Variants in ARL15 observed in about 807,000 individuals in gnomAD.
The protein encoded by ARL15 is ADP-ribosylation factor-like protein 15.
Under a neutral mutation model 25.2 loss-of-function variants are expected in ARL15, and 19 were observed. The observed-to-expected ratio is 0.75, with a 90% CI of 0.53 to 1.10. ARL15 has a LOEUF of 1.10. Among genes scored for constraint, ARL15 ranks in the 50% least tolerant of loss-of-function variants. The probability of loss-of-function intolerance (pLI) is 0.00; values close to 1 mark genes in which losing one functional copy is unlikely to be tolerated. For synonymous variants in ARL15, 94 were observed against 86.8 expected (o/e 1.08, Z -0.46); for missense variants, 220 against 246.0 (o/e 0.89, Z 0.71).
At chr5:54,306,549 C>A (rs1040345444) in intron 1 of ARL15, among the ~76,000 whole-genome samples, 2 of 152,212 alleles carry the variant, frequency 1.3e-5, no homozygotes, top group South Asian at 4.1e-4. Context: ...CGCCACGACA[C>A]CCAGCTAATT....
chr5:54,200,884 TCA>T (rs1422179628), intron 1 of ARL15, among the ~76,000 whole-genome samples: 5 of 152,322 alleles, frequency 3.3e-5, no homozygotes, highest in Non-Finnish European at 5.9e-5. Flanking sequence ...GTGCTTCTTC[TCA>T]CACTTTATTG....
intron 1 of ARL15, among the ~76,000 whole-genome samples, chr5:54,210,343 T>C (rs1349147839): frequency 6.6e-6 from 1 of 152,218 alleles, no homozygotes; most frequent in East Asian, 1.9e-4. Context: ...ATAATGCCTA[T>C]TATCTATTTT....
intron 4 of ARL15, among the ~76,000 whole-genome samples, chr5:53,898,657 C>T (rs941775673): frequency 7.9e-5 from 12 of 151,728 alleles, no homozygotes; most frequent in Non-Finnish European, 1.6e-4. Context: ...CCGCTGCCCC[C>T]CCTACCCCCG....
chr5:54,125,224 G>A (rs1002287174), intron 3 of ARL15, among the ~76,000 whole-genome samples: 16 of 152,108 alleles, frequency 1.1e-4, no homozygotes, highest in African/African-American at 3.9e-4. Flanking sequence ...AGTAGAGACG[G>A]GGTTTCGCCA....
At chr5:54,041,806 A>T (rs988929498) in intron 4 of ARL15, among the ~76,000 whole-genome samples, 1 of 152,216 alleles carries the variant, frequency 6.6e-6, no homozygotes, top group African/African-American at 2.4e-5. Context: ...AGGAACTCTG[A>T]ATCAGGGAAC....
At chr5:54,152,297 CCTTCATAT>C (rs994746332) in intron 3 of ARL15, among the ~76,000 whole-genome samples, 2 of 152,148 alleles carry the variant, frequency 1.3e-5, no homozygotes, top group African/African-American at 4.8e-5. Flanking sequence ...GGGATGATCC[CCTTCATAT>C]CTAGCATACA....
chr5:54,060,187 C>G lies in ARL15; in HGVS notation c.462+53015G>C, dbSNP rs562792272. On this transcript the variant is annotated intron_variant, in intron 4 of 4. Transcript: ENST00000504924. ...CGGTGTCTCACACCTGTAATCCCAG[C>G]ACTTTGGGAGGCTGAGGTGGGTGGA... is the stretch of plus-strand genomic sequence containing the variant. Among the ~76,000 whole-genome samples the G allele has an allele frequency of 2.7e-4, 40 of 150,180 alleles. 1 individual carries two copies. The South Asian group carries it at 8.4e-3, about 32-fold the overall frequency.
chr5:54,151,069 T>C (rs1329091082), intron 3 of ARL15, among the ~76,000 whole-genome samples: 1 of 152,158 alleles, frequency 6.6e-6, no homozygotes, highest in Non-Finnish European at 1.5e-5. Flanking sequence ...TCTGGTGTTA[T>C]CTTATCTGTG....
At chr5:54,094,903 G>A (rs1313794251) in intron 4 of ARL15, among the ~76,000 whole-genome samples, 1 of 152,196 alleles carries the variant, frequency 6.6e-6, no homozygotes, top group Non-Finnish European at 1.5e-5. Context: ...AATGGATATT[G>A]CCGACTTGCT....
intron 4 of ARL15, among the ~76,000 whole-genome samples, chr5:54,049,131 C>T (rs1402809426): frequency 2.6e-5 from 4 of 151,942 alleles, no homozygotes; most frequent in African/African-American, 4.8e-5. Context: ...ATCTAGTGTG[C>T]TCAGAATTAG....
chr5:54,159,090 C>T (rs1754327237), intron 2 of ARL15, among the ~76,000 whole-genome samples: 1 of 152,104 alleles, frequency 6.6e-6, no homozygotes, highest in African/African-American at 2.4e-5. Flanking sequence ...ATAAATAACC[C>T]AACACCTAAT....
intron 4 of ARL15, among the ~76,000 whole-genome samples, chr5:53,901,847 C>T (rs1308796251): frequency 1.3e-5 from 2 of 152,176 alleles, no homozygotes; most frequent in African/African-American, 2.4e-5. Context: ...CTTTGCCTTG[C>T]TAAAAGCTTA....
rs377445980 is a variant in ARL15, at chr5:54,258,938, GAAC to G, written c.48+51491_48+51493del. Among the ~76,000 whole-genome samples the G allele has an allele frequency of 3.5e-3, 534 of 152,240 alleles. 3 individuals are homozygous for G. The highest frequency in any genetic ancestry group is 0.011 in the African/African-American group (475 of 41,542). ...AAGGAAAACACACATTTTGAAACAT[GAAC>G]AACCATATAGACAAATTCAAAGAAA... On this transcript the variant is annotated intron_variant, in intron 1 of 4. Transcript: ENST00000504924.
At chr5:54,222,331 C>T (rs1239759950) in intron 1 of ARL15, among the ~76,000 whole-genome samples, 1 of 152,140 alleles carries the variant, frequency 6.6e-6, no homozygotes, top group East Asian at 1.9e-4. Context: ...AAAGGAGCCC[C>T]CCAAAACCTT....
intron 3 of ARL15, among the ~76,000 whole-genome samples, chr5:54,116,815 C>CA (rs1752913439): frequency 6.6e-6 from 1 of 152,096 alleles, no homozygotes; most frequent in Non-Finnish European, 1.5e-5. Flanking sequence ...CCCAAGGTTA[C>CA]ACACCTAATA....
At chr5:53,907,753 C>A (rs994492191) in intron 4 of ARL15, among the ~76,000 whole-genome samples, 2 of 151,642 alleles carry the variant, frequency 1.3e-5, no homozygotes, top group African/African-American at 2.4e-5. Flanking sequence ...GCCTCAGCCT[C>A]CCAAATTGCT....
At chr5:54,161,880 T>G (rs564607178) in intron 2 of ARL15, among the ~76,000 whole-genome samples, 26 of 152,268 alleles carry the variant, frequency 1.7e-4, no homozygotes, top group Admixed American at 2.6e-4. Context: ...TACATACACA[T>G]GTGGATTTCT....
intron 4 of ARL15, among the ~76,000 whole-genome samples, chr5:54,086,473 A>T (rs1342892079): frequency 6.6e-6 from 1 of 151,102 alleles, no homozygotes; most frequent in Non-Finnish European, 1.5e-5. Flanking sequence ...TGTGTTTCGC[A>T]GTAGCTTAAA....
chr5:53,956,575 G>C (rs1415451752), intron 4 of ARL15, among the ~76,000 whole-genome samples: 4 of 151,736 alleles, frequency 2.6e-5, no homozygotes, highest in Admixed American at 2.6e-4. Context: ...CTTTAAGTCA[G>C]TTGTCTTACA....
Sources: allele counts gnomAD v4.1 joint callset (sites outside exome capture counted in the v4.1 genomes callset), GRCh38; gene constraint gnomAD v4.1.1; transcripts MANE v1.5; gene names NCBI Gene and HGNC (gene_info 2026-07-23, HGNC 2026-07-21).